Variants in PLEKHA3 observed in about 807,000 individuals in gnomAD.
PLEKHA3 encodes pleckstrin homology domain containing A3.
In PLEKHA3, 19 loss-of-function variants were observed where a neutral mutation model predicts 39.2. The ratio of observed to expected loss-of-function variants is 0.48; its 90% CI spans 0.34 to 0.71. The LOEUF is 0.71. Ranked by LOEUF, PLEKHA3 falls within the 30% of genes least tolerant of loss-of-function variation. The probability of loss-of-function intolerance (pLI) is 0.01; values close to 1 mark genes in which losing one functional copy is unlikely to be tolerated. For missense variants in PLEKHA3, 253 were observed against 359.5 expected, an observed-to-expected ratio of 0.70 and a Z score of 2.40; for synonymous variants, 97 against 118.6, an observed-to-expected ratio of 0.82 and a Z score of 1.18.
intron 6 of PLEKHA3, 77 bp from the exon 7 acceptor site, chr2:178,500,984 G>A (rs1278778621): frequency 1.2e-6 from 1 of 866,126 alleles, no homozygotes; most frequent in Admixed American, 2.3e-5. Flanking sequence ...TTAAAGAGAA[G>A]TCATTTAAAA....
At chr2:178,490,195 A>G (rs1184846126) in intron 2 of PLEKHA3, among the ~76,000 whole-genome samples, 1 of 152,230 alleles carries the variant, frequency 6.6e-6, no homozygotes, top group Non-Finnish European at 1.5e-5. Flanking sequence ...TCCATAATTA[A>G]GGGCATATCA....
intron 2 of PLEKHA3, 43 bp from the exon 3 acceptor site, chr2:178,490,616 A>T: frequency 6.4e-7 from 1 of 1,566,402 alleles, no homozygotes. Flanking sequence ...CCCTTAAATT[A>T]CTTAAGTCTA....
intron 2 of PLEKHA3, among the ~76,000 whole-genome samples, chr2:178,488,144 C>T (rs1685282578): frequency 6.6e-6 from 1 of 151,840 alleles, no homozygotes; most frequent in South Asian, 2.1e-4. Flanking sequence ...TGAATGTTGT[C>T]TTCTTTTGAA....
At position 178,490,753 on chromosome 2, in the gene PLEKHA3, G is replaced by A; in HGVS notation, c.252G>A (p.Trp84Ter). The A allele has an allele frequency of 6.2e-7, 1 of 1,614,106 alleles. No individual in the cohort carries two copies. Among genetic ancestry groups the A allele is most frequent in the Non-Finnish European group, 8.5e-7 (1 of 1,179,966 alleles). ...KAVNAAERQR[W>*]LVALGSSKAC... The stretch of plus-strand genomic sequence containing the variant: ...TGAATGCAGCTGAAAGACAGAGGTG[G>A]CTGGTCGCTCTGGGGAGCTCCAAAG... The change falls in exon 3 of 8, where the codon TGG becomes TGA. Residue 84 changes from tryptophan (W) to a stop codon, truncating the protein, a stop_gained. Coordinates refer to ENST00000234453, the MANE Select transcript of PLEKHA3 (RefSeq NM_019091.4). LOFTEE classifies it high-confidence loss of function.
At chr2:178,487,140 T>TG (rs1260997466) in intron 2 of PLEKHA3, among the ~76,000 whole-genome samples, 1 of 151,530 alleles carries the variant, frequency 6.6e-6, no homozygotes, top group Non-Finnish European at 1.5e-5. Flanking sequence ...AAAAGGTAAG[T>TG]GGGGGGATTC....
intron 2 of PLEKHA3, among the ~76,000 whole-genome samples, chr2:178,488,473 C>T: frequency 6.6e-6 from 1 of 152,248 alleles, no homozygotes; most frequent in Non-Finnish European, 1.5e-5. Context: ...TTAATAGCAA[C>T]CTTTCCCCCA....
chr2:178,488,542 G>A (rs1685292998), intron 2 of PLEKHA3, among the ~76,000 whole-genome samples: 1 of 152,232 alleles, frequency 6.6e-6, no homozygotes, highest in Non-Finnish European at 1.5e-5. Flanking sequence ...TTTCTAGACT[G>A]TCTATTCTGT....
In PLEKHA3 at chr2:178,495,727, G is replaced by GGT. The variant is rs1685431439; in HGVS notation, c.615+68_615+69dup. 3.3e-6 allele frequency: 5 copies of GGT among 1,503,082 alleles called. No individual in the cohort carries two copies. The South Asian group carries it at 6.5e-5, about 20-fold the overall frequency. 93.1% of individuals were successfully genotyped at this position (1,503,082 alleles called of 1,614,324 possible). A position where few individuals can be genotyped will look rare whatever the true frequency, so the allele number is the denominator to read the frequency against. On this transcript the variant is annotated intron_variant, in intron 5 of 7. Coordinates refer to ENST00000234453, the MANE Select transcript of PLEKHA3 (RefSeq NM_019091.4). The stretch of plus-strand genomic sequence containing the variant: ...TTGCATGTGGTTTTCGTTTCATTTT[G>GGT]GTATTTATTTTTAAGGGTGGAAGCA...
chr2:178,501,656 G>A (rs1685531149), intron 7 of PLEKHA3, among the ~76,000 whole-genome samples: 1 of 151,880 alleles, frequency 6.6e-6, no homozygotes, highest in Middle Eastern at 3.2e-3. Context: ...TTATTAAAGA[G>A]GCAGCATACT....
intron 5 of PLEKHA3, among the ~76,000 whole-genome samples, 176 bp from the exon 6 acceptor site, chr2:178,499,035 C>A (rs573744344): frequency 6.6e-5 from 10 of 151,858 alleles, no homozygotes; most frequent in Non-Finnish European, 1.5e-4. Context: ...AGGGAGAAAG[C>A]TTGATGTTGT....
rs187568253 is a variant in PLEKHA3 at position 178,512,840 on chromosome 2, G to A, written c.*8953G>A. On this transcript the variant is annotated 3_prime_UTR_variant, in exon 8 of 8. Transcript: ENST00000234453. ...CTCTTACTTTTTGAAAGCAATACCT[G>A]AGTTATTAAGCAATCATTTAGACAG... 1 of 153,848 alleles carries A rather than the reference G, an allele frequency of 6.5e-6. No homozygotes were observed. The highest frequency in any genetic ancestry group is 1.5e-5 in the Non-Finnish European group (1 of 68,034). The allele number at this position is 153,848 out of a possible 1,614,324, so 9.5% of individuals were successfully genotyped here. A position where few individuals can be genotyped will look rare whatever the true frequency, so the allele number is the denominator to read the frequency against.
Position 178,508,004 on chromosome 2 carries a change from A to T in PLEKHA3, c.*4117A>T. 1.4e-5 allele frequency: 2 copies of T among 147,924 alleles called. No homozygotes were observed. The highest frequency in any genetic ancestry group is 6.8e-5 in the Admixed American group (1 of 14,684). The allele number at this position is 147,924 out of a possible 1,614,324, so 9.2% of individuals were successfully genotyped here. A position where few individuals can be genotyped will look rare whatever the true frequency, so the allele number is the denominator to read the frequency against. ...ATTCATTCATCTTGATGGCTACTTG[A>T]CTTGGTGGAATCTTTCAATTTAGAG... On this transcript the variant is annotated 3_prime_UTR_variant, in exon 8 of 8. Coordinates refer to ENST00000234453, the MANE Select transcript of PLEKHA3 (RefSeq NM_019091.4).
chr2:178,498,726 A>G (rs1208847029), intron 5 of PLEKHA3, among the ~76,000 whole-genome samples: 1 of 152,026 alleles, frequency 6.6e-6, no homozygotes, highest in Admixed American at 6.6e-5. Flanking sequence ...TTCCATGAAA[A>G]CCACACTTTA....
In PLEKHA3 at chr2:178,512,711, G is replaced by A. The variant is rs1575150359; in HGVS notation, c.*8824G>A. ...ACAATGGTGAGTCATGTAATGAAAG[G>A]AGATGTTCTAGGAAAACTTTTCAGT... On this transcript the variant is annotated 3_prime_UTR_variant, in exon 8 of 8. Transcript: ENST00000234453. 6.5e-6 allele frequency: 1 copy of A among 153,774 alleles called. No homozygotes were observed. The highest frequency in any genetic ancestry group is 1.5e-5 in the Non-Finnish European group (1 of 68,046). 9.5% of individuals were successfully genotyped at this position (153,774 alleles called of 1,614,324 possible).
chr2:178,509,428 G>A lies in PLEKHA3; in HGVS notation c.*5541G>A, dbSNP rs547538007. On this transcript the variant is annotated 3_prime_UTR_variant, in exon 8 of 8. Coordinates refer to ENST00000234453, the MANE Select transcript of PLEKHA3 (RefSeq NM_019091.4). ...GCTGGGCACGTAGTGTGTTGAATAA[G>A]TGTTAGTTATTAATATTGTTTACTA... 1.2e-4 allele frequency: 18 copies of A among 151,748 alleles called. No homozygotes were observed. Among genetic ancestry groups the A allele is most frequent in the Admixed American group, 7.2e-4 (11 of 15,260 alleles). The allele number at this position is 151,748 out of a possible 1,614,324, so 9.4% of individuals were successfully genotyped here.
chr2:178,483,520 G>A (rs904004452), intron 1 of PLEKHA3, among the ~76,000 whole-genome samples: 3 of 152,046 alleles, frequency 2.0e-5, no homozygotes, highest in African/African-American at 4.8e-5. Context: ...CACCTTTCAC[G>A]TTGCTGCAAA....
chr2:178,503,828 A>G lies in PLEKHA3; in HGVS notation c.844A>G (p.Arg282Gly), dbSNP rs776158985. 1.2e-6 allele frequency: 2 copies of G among 1,612,046 alleles called. No homozygotes were observed. The highest frequency in any genetic ancestry group is 1.7e-6 in the Non-Finnish European group (2 of 1,178,410). The change falls in exon 8 of 8, where the codon AGA becomes GGA. Residue 282 changes from arginine to glycine, a missense_variant. Transcript: ENST00000234453. ...ATCAGCAACCATTCCTGAAGAAAGC[A>G]GACTTATGGCCAAAAAACAATCTGA... Reference protein sequence around the residue: ...LASATIPEESRLMAKKQSESE... With the variant: ...LASATIPEESGLMAKKQSESE...
chr2:178,495,448 C>T (rs1410415015), intron 4 of PLEKHA3, 48 bp from the exon 5 acceptor site: 1 of 1,559,466 alleles, frequency 6.4e-7, no homozygotes, highest in South Asian at 1.1e-5. Flanking sequence ...GTATATGATT[C>T]CATGTAGTTG....
intron 2 of PLEKHA3, among the ~76,000 whole-genome samples, chr2:178,487,183 A>C (rs1290925429): frequency 6.6e-6 from 1 of 152,210 alleles, no homozygotes; most frequent in African/African-American, 2.4e-5. Context: ...TTCTTGCTGA[A>C]GGCAGGCTGA....
Sources: allele counts gnomAD v4.1 joint callset (sites outside exome capture counted in the v4.1 genomes callset), GRCh38; gene constraint gnomAD v4.1.1; transcripts MANE v1.5; gene names NCBI Gene and HGNC (gene_info 2026-07-23, HGNC 2026-07-21).